Variants in COL6A5 observed in about 807,000 individuals in gnomAD.
COL6A5 encodes collagen type VI alpha 5 chain, also known as collagen alpha-5(VI) chain.
A neutral mutation model predicts 65.6 loss-of-function variants in COL6A5; 48 were observed. That is an observed-to-expected ratio of 0.73 (90% CI 0.58 to 0.93). The LOEUF (loss-of-function observed/expected upper bound fraction) is 0.93, where lower values mean the gene tolerates loss of function less well. Among genes scored for constraint, COL6A5 ranks in the 40% least tolerant of loss-of-function variants. The pLI is 0.00. For missense variants in COL6A5, 914 were observed against 928.3 expected (o/e 0.98, Z 0.20); for synonymous variants, 291 against 322.8 (o/e 0.90, Z 1.05).
intron 6 of COL6A5, among the ~76,000 whole-genome samples, chr3:130,470,480 C>CAATTTCAATAGCT (rs1165410563): frequency 6.6e-6 from 1 of 151,208 alleles, no homozygotes; most frequent in African/African-American, 2.4e-5. Flanking sequence ...GTAGGGCAGA[C>CAATTTCAATAGCT]AATTTCAATA....
rs140721388 is a variant in COL6A5 at position 130,379,780 on chromosome 3, C to G, written c.1030C>G (p.Leu344Val). ...ACAAGGAGTGCCTCAGATTGCAGTT[C>G]TGGTCACCCACAGACCATCAGATGA... The change falls in exon 4 of 42, where the codon CTG (leucine) becomes GTG (valine). Residue 344 changes from leucine (L) to valine (V), a missense_variant and NMD_transcript_variant. Coordinates refer to the COL6A5 transcript ENST00000312481. 2.6e-3 allele frequency: 4,090 copies of G among 1,551,416 alleles called. 10 individuals carry two copies. The highest frequency in any genetic ancestry group is 3.3e-3 in the Non-Finnish European group (3,751 of 1,146,812).
chr3:130,423,884 G>A (rs1393990125), exon 29 of COL6A5: 5 of 1,549,366 alleles, frequency 3.2e-6, no homozygotes, highest in Admixed American at 2.0e-5. Context: ...GGACTCCCAG[G>A]CCCTCCTGGA....
chr3:130,401,226 T>A (rs920849625), intron 11 of COL6A5, 53 bp downstream of exon 11: 412 of 1,465,246 alleles, frequency 2.8e-4, no homozygotes, highest in Non-Finnish European at 3.3e-4. Flanking sequence ...GGAACTAAAT[T>A]GGAATCTTGA....
In COL6A5 at chr3:130,469,501, T is replaced by C. The variant is rs1709897530; in HGVS notation, c.2231+20T>C. On this transcript the variant is annotated intron_variant, in intron 6 of 7. Coordinates refer to ENST00000512836, the Ensembl canonical transcript of COL6A5. The stretch of plus-strand genomic sequence containing the variant: ...TCAGACGTAAGTCATTAATTCTCTT[T>C]GATTGCTTTTGCAATAGATTTAATG... 1 of 1,568,584 alleles carries C rather than the reference T, an allele frequency of 6.4e-7. No homozygotes were observed. The highest frequency in any genetic ancestry group is 1.7e-5 in the Admixed American group (1 of 57,402).
intron 1 of COL6A5, among the ~76,000 whole-genome samples, chr3:130,368,755 A>G (rs142443782): frequency 1.6e-3 from 237 of 152,274 alleles, no homozygotes; most frequent in African/African-American, 5.2e-3. Context: ...AATGAAAACC[A>G]AAGGAAGTAG....
Position 130,431,897 on chromosome 3 carries a change from TCAGTCCAACAG to T in COL6A5, c.436_446del (p.Ser147LeufsTer4). On this transcript the variant is annotated frameshift_variant, in exon 1 of 8. Coordinates refer to ENST00000512836, the Ensembl canonical transcript of COL6A5. LOFTEE classifies it high-confidence loss of function. Reference sequence around the variant, plus strand: ...ACCATGGAGTTTAGTGCCCTGGATATCAGTCCAACAGTCTTTGCTTTTGATGAGAGAGTTTT... The same window carrying T: ...ACCATGGAGTTTAGTGCCCTGGATATTCTTTGCTTTTGATGAGAGAGTTTT... 6.4e-7 allele frequency: 1 copy of T among 1,551,626 alleles called. No homozygotes were observed. The highest frequency in any genetic ancestry group is 1.4e-5 in the African/African-American group (1 of 73,162).
chr3:130,422,445 C>A (rs1332530092), intron 27 of COL6A5, among the ~76,000 whole-genome samples: 1 of 151,838 alleles, frequency 6.6e-6, no homozygotes, highest in Non-Finnish European at 1.5e-5. Flanking sequence ...GGTTTTCAAG[C>A]ATTTTCTTTG....
At chr3:130,369,349 G>A (rs1283903913) in intron 1 of COL6A5, among the ~76,000 whole-genome samples, 2 of 152,120 alleles carry the variant, frequency 1.3e-5, no homozygotes, top group Non-Finnish European at 2.9e-5. Flanking sequence ...TTAGGATTTA[G>A]CAGTCTAAAC....
At chr3:130,395,273 G>A (rs929959585) in exon 8 of COL6A5, 6 of 1,551,530 alleles carry the variant, frequency 3.9e-6, no homozygotes, top group African/African-American at 1.4e-5. Context: ...TGTGGCAGAT[G>A]CAGTAAAAAC....
chr3:130,398,134 T>TA lies in COL6A5; in HGVS notation c.3991+23_3991+24insA, dbSNP rs767090380. On this transcript the variant is annotated intron_variant and NMD_transcript_variant, in intron 10 of 41. Transcript: ENST00000312481. ...CAGGTATTGAGTTGTTGTTGTTTTT[T>TA]TTTTTTTTTTTTTTGAGATGGAGTG... 3 of 1,449,906 alleles carry TA rather than the reference T, an allele frequency of 2.1e-6. No homozygotes were observed. In the Admixed American group the frequency reaches 6.7e-5, roughly 32 times the overall value. 89.8% of individuals were successfully genotyped at this position (1,449,906 alleles called of 1,614,324 possible). A position where few individuals can be genotyped will look rare whatever the true frequency, so the allele number is the denominator to read the frequency against.
At chr3:130,453,791 T>G (rs1709504305) in intron 4 of COL6A5, among the ~76,000 whole-genome samples, 2 of 152,096 alleles carry the variant, frequency 1.3e-5, no homozygotes. Flanking sequence ...GCAAAGGAGC[T>G]TCTCAGAGCA....
chr3:130,483,204 C>G (rs1211698475), intron 7 of COL6A5, among the ~76,000 whole-genome samples: 1 of 152,086 alleles, frequency 6.6e-6, no homozygotes, highest in African/African-American at 2.4e-5. Flanking sequence ...CCAGGCCTGC[C>G]TTACAAGAGC....
At position 130,426,264 on chromosome 3, in the gene COL6A5, A is replaced by C. The variant is rs1937600438; in HGVS notation, c.5199+15A>C. 1 of 1,551,222 alleles carries C rather than the reference A, an allele frequency of 6.4e-7. No homozygotes were observed. The highest frequency in any genetic ancestry group is 2.0e-5 in the Admixed American group (1 of 50,978). On this transcript the variant is annotated intron_variant and NMD_transcript_variant, in intron 30 of 41. Coordinates refer to the COL6A5 transcript ENST00000312481. ...CTGTATATTCTGTATGTATCTCCTT[A>C]TTCATGAAAGAAAACTCAATAAGTT...
intron 23 of COL6A5, among the ~76,000 whole-genome samples, chr3:130,416,280 T>G (rs1056103413): frequency 3.9e-5 from 6 of 152,172 alleles, no homozygotes; most frequent in Non-Finnish European, 7.4e-5. Context: ...TATTTCTATA[T>G]TCCTAGCATG....
chr3:130,403,333 G>C (rs1169685186), intron 12 of COL6A5, among the ~76,000 whole-genome samples: 1 of 152,182 alleles, frequency 6.6e-6, no homozygotes, highest in African/African-American at 2.4e-5. Context: ...TCAGGTGCAG[G>C]TGTGGCTCTG....
intron 5 of COL6A5, 33 bp downstream of exon 37, chr3:130,455,699 T>G: frequency 2.0e-6 from 3 of 1,512,786 alleles, no homozygotes; most frequent in Non-Finnish European, 2.7e-6. Flanking sequence ...TGGAAATGTT[T>G]AAATAGCCAG....
At chr3:130,478,426 T>G (rs879466034) in intron 7 of COL6A5, among the ~76,000 whole-genome samples, 1 of 152,018 alleles carries the variant, frequency 6.6e-6, no homozygotes. Context: ...GAGGCCAGTG[T>G]TTTTTATACT....
At chr3:130,482,398 G>A (rs1021485309) in intron 7 of COL6A5, among the ~76,000 whole-genome samples, 2 of 152,054 alleles carry the variant, frequency 1.3e-5, no homozygotes, top group African/African-American at 4.8e-5. Context: ...TGTTCCATTG[G>A]TCTATATATC....
exon 7 of COL6A5, chr3:130,391,459 C>T (rs148235459): frequency 0.02 from 30,720 of 1,551,688 alleles, 408 homozygotes; most frequent in Middle Eastern, 0.061. Context: ...CTCTCAAGCA[C>T]GCAAATGCCC....
Sources: allele counts gnomAD v4.1 joint callset (sites outside exome capture counted in the v4.1 genomes callset), GRCh38; gene constraint gnomAD v4.1.1; transcripts MANE v1.5; gene names NCBI Gene and HGNC (gene_info 2026-07-23, HGNC 2026-07-21).